Variants in IQCJ observed in about 807,000 individuals in gnomAD.
IQCJ encodes the protein IQ domain-containing protein J.
In IQCJ, 9 loss-of-function variants were observed where a neutral mutation model predicts 11.0. The observed-to-expected ratio is 0.82, with a 90% confidence interval of 0.49 to 1.43. IQCJ has a LOEUF of 1.43. Ranked by LOEUF, IQCJ falls within the 40% of genes most tolerant of loss-of-function variation. The pLI is 0.00. For synonymous variants in IQCJ, 55 were observed against 51.3 expected (o/e 1.07, Z -0.31); for missense variants, 146 against 133.2 (o/e 1.10, Z -0.47).
intron 1 of IQCJ, among the ~76,000 whole-genome samples, chr3:159,230,362 G>C (rs891084875): frequency 2.0e-5 from 3 of 152,166 alleles, no homozygotes; most frequent in Non-Finnish European, 4.4e-5. Context: ...ACAAGTGCAT[G>C]TGTCTTTTTT....
chr3:159,163,444 A>G (rs1054095137), intron 1 of IQCJ, among the ~76,000 whole-genome samples: 4 of 152,220 alleles, frequency 2.6e-5, no homozygotes, highest in Non-Finnish European at 5.9e-5. Context: ...AGAGCTATCT[A>G]TGACAAACCC....
At chr3:159,171,826 C>G (rs1246633122) in intron 1 of IQCJ, among the ~76,000 whole-genome samples, 2 of 152,172 alleles carry the variant, frequency 1.3e-5, no homozygotes, top group Non-Finnish European at 2.9e-5. Flanking sequence ...GCCCCAACCC[C>G]AGAGGGTCTG....
chr3:159,152,422 G>T (rs1484670795), intron 1 of IQCJ, among the ~76,000 whole-genome samples: 1 of 152,180 alleles, frequency 6.6e-6, no homozygotes, highest in African/African-American at 2.4e-5. Context: ...GAGGTGGTAT[G>T]TGGCTCCTCA....
intron 1 of IQCJ, among the ~76,000 whole-genome samples, chr3:159,117,753 A>T (rs903819313): frequency 1.3e-5 from 2 of 152,198 alleles, no homozygotes; most frequent in African/African-American, 4.8e-5. Context: ...CACAGTGCTG[A>T]ATAGTAGAGA....
chr3:159,258,701 T>G (rs1728038060), intron 3 of IQCJ, among the ~76,000 whole-genome samples: 1 of 152,180 alleles, frequency 6.6e-6, no homozygotes, highest in African/African-American at 2.4e-5. Flanking sequence ...TTATAATTGT[T>G]TGGTAACATA....
At chr3:159,255,666 G>C (rs1007632627) in intron 3 of IQCJ, among the ~76,000 whole-genome samples, 2 of 152,044 alleles carry the variant, frequency 1.3e-5, no homozygotes, top group Admixed American at 6.6e-5. Flanking sequence ...TGTCACAAAG[G>C]GTCCATTACC....
At chr3:159,237,323 G>T (rs1726652085) in intron 1 of IQCJ, among the ~76,000 whole-genome samples, 1 of 152,192 alleles carries the variant, frequency 6.6e-6, no homozygotes, top group Non-Finnish European at 1.5e-5. Context: ...TTATTATTGG[G>T]CAGGTCAAGG....
In IQCJ at chr3:159,088,130, G is replaced by A. The variant is rs1174701029; in HGVS notation, c.9+18689G>A. ...TCTGGTATGTTGTGTCTTTGTTCTC[G>A]TTGGTTTCAAAGAACATCTTTATTT... On this transcript the variant is annotated intron_variant, in intron 1 of 3. Transcript: ENST00000397832. Among the ~76,000 whole-genome samples, 9 of 152,126 alleles carry A rather than the reference G, an allele frequency of 5.9e-5. No homozygotes were observed. In the East Asian group the frequency reaches 9.7e-4, roughly 16 times the overall value.
chr3:159,173,419 T>C (rs992028409), intron 1 of IQCJ, among the ~76,000 whole-genome samples: 1 of 152,214 alleles, frequency 6.6e-6, no homozygotes, highest in African/African-American at 2.4e-5. Flanking sequence ...AGTAGAAACG[T>C]GTTGATTTAT....
rs1723150351 is a variant in IQCJ, at chr3:159,182,545, G to C, written c.10-63298G>C. On this transcript the variant is annotated intron_variant, in intron 1 of 3. Transcript: ENST00000397832. The stretch of plus-strand genomic sequence containing the variant: ...GCATCGGCAAGACTCCTGTCTCAAG[G>C]GCCGAGCTCCCCGAGTGAGCAATTC... 3.9e-5 allele frequency among the ~76,000 whole-genome samples: 6 copies of C among 152,056 alleles called. No individual in the cohort carries two copies. The South Asian group carries it at 1.2e-3, about 31-fold the overall frequency.
At chr3:159,149,440 C>A (rs1178987691) in intron 1 of IQCJ, among the ~76,000 whole-genome samples, 2 of 152,076 alleles carry the variant, frequency 1.3e-5, no homozygotes, top group African/African-American at 2.4e-5. Flanking sequence ...TTTTTGCTGG[C>A]CTTTTAAAAA....
chr3:159,246,639 G>A lies in IQCJ; in HGVS notation c.74+732G>A, dbSNP rs78442765. ...TGTCATGCTTGGCTCTGGACACCAC[G>A]TTTAAGAATCACATTGACATTGCCA... On this transcript the variant is annotated intron_variant, in intron 2 of 3. Transcript: ENST00000397832. Among the ~76,000 whole-genome samples, 457 of 152,236 alleles carry A rather than the reference G, an allele frequency of 3.0e-3. 2 individuals are homozygous for A. Among genetic ancestry groups the A allele is most frequent in the African/African-American group, 0.011 (439 of 41,540 alleles).
chr3:159,072,820 T>G (rs1715663444), intron 1 of IQCJ, among the ~76,000 whole-genome samples: 1 of 151,826 alleles, frequency 6.6e-6, no homozygotes, highest in South Asian at 2.1e-4. Context: ...AGGTCAGAAA[T>G]GGAGGAGTGG....
Position 159,200,104 on chromosome 3 carries a change from A to AATATATATAT in IQCJ, c.10-45732_10-45723dup, listed in dbSNP as rs539820364. Among the ~76,000 whole-genome samples the AATATATATAT allele has an allele frequency of 5.3e-3, 622 of 116,890 alleles. 15 individuals are homozygous for AATATATATAT. The highest frequency in any genetic ancestry group is 5.6e-3 in the Admixed American group (69 of 12,292). The allele number at this position is 116,890 out of a possible 152,430, so 76.7% of individuals were successfully genotyped here. ...ATATGTATGTATGTGTTTATACATA[A>AATATATATAT]ATATATATATATATATCACTTTGAA... On this transcript the variant is annotated intron_variant, in intron 1 of 3. Transcript: ENST00000397832.
chr3:159,128,213 T>C (rs1309772811), intron 1 of IQCJ, among the ~76,000 whole-genome samples: 3 of 152,188 alleles, frequency 2.0e-5, no homozygotes, highest in African/African-American at 4.8e-5. Flanking sequence ...TGGGCTGAGA[T>C]TACCAGAGAA....
At chr3:159,191,329 G>A (rs1723674763) in intron 1 of IQCJ, among the ~76,000 whole-genome samples, 1 of 152,158 alleles carries the variant, frequency 6.6e-6, no homozygotes, top group African/African-American at 2.4e-5. Flanking sequence ...GGAGGCTGGG[G>A]TTGGATCATG....
intron 1 of IQCJ, among the ~76,000 whole-genome samples, chr3:159,079,494 T>C (rs947105734): frequency 3.9e-5 from 6 of 152,260 alleles, no homozygotes; most frequent in African/African-American, 4.8e-5. Context: ...TTTTAAAAAT[T>C]ATTTTTCTTT....
At chr3:159,250,269 T>C (rs1727519130) in intron 2 of IQCJ, among the ~76,000 whole-genome samples, 1 of 152,190 alleles carries the variant, frequency 6.6e-6, no homozygotes, top group Non-Finnish European at 1.5e-5. Flanking sequence ...AGCAAACGTG[T>C]TAATATTATG....
At chr3:159,190,639 G>A (rs1203072701) in intron 1 of IQCJ, among the ~76,000 whole-genome samples, 3 of 152,350 alleles carry the variant, frequency 2.0e-5, no homozygotes, top group South Asian at 2.1e-4. Context: ...AGCTATAGCT[G>A]AAGGGAGGTC....
Sources: allele counts gnomAD v4.1 joint callset (sites outside exome capture counted in the v4.1 genomes callset), GRCh38; gene constraint gnomAD v4.1.1; transcripts MANE v1.5; gene names NCBI Gene and HGNC (gene_info 2026-07-23, HGNC 2026-07-21).